Variants in ISG20 observed in about 807,000 individuals in gnomAD.
ISG20 encodes the protein interferon-stimulated gene 20 kDa protein.
In ISG20, 8 loss-of-function variants were observed where a neutral mutation model predicts 11.1. The observed-to-expected ratio is 0.72, with a 90% CI of 0.42 to 1.30. The LOEUF (loss-of-function observed/expected upper bound fraction) is 1.30, where lower values mean the gene tolerates loss of function less well. ISG20 is among the 50% of genes most tolerant of loss of function. ISG20 has a pLI of 0.01. For synonymous variants in ISG20, 110 were observed against 101.7 expected (o/e 1.08, Z -0.49); for missense variants, 243 against 250.2 (o/e 0.97, Z 0.19).
At chr15:88,641,634 T>C (rs1396503152) in intron 2 of ISG20, among the ~76,000 whole-genome samples, 15 of 152,048 alleles carry the variant, frequency 9.9e-5, no homozygotes, top group Admixed American at 9.8e-4. Flanking sequence ...TCTTTTTATT[T>C]TTATTTTTTA....
chr15:88,649,914 T>C (rs751350542), intron 2 of ISG20: 33 of 360,500 alleles, frequency 9.2e-5, no homozygotes, highest in Non-Finnish European at 1.5e-4. Context: ...CTGTTGACAG[T>C]GGATGGACAG....
intron 2 of ISG20, among the ~76,000 whole-genome samples, chr15:88,645,472 C>G (rs570892637): frequency 6.6e-6 from 1 of 152,108 alleles, no homozygotes; most frequent in Non-Finnish European, 1.5e-5. Flanking sequence ...GCTGCTCTCT[C>G]CCACTCTGCT....
intron 2 of ISG20, among the ~76,000 whole-genome samples, chr15:88,646,529 T>C (rs1159386804): frequency 6.6e-6 from 1 of 152,188 alleles, no homozygotes; most frequent in East Asian, 1.9e-4. Flanking sequence ...GTAATGGTCA[T>C]TATTTGTCTC....
At chr15:88,651,310 C>T (rs866830991) in intron 2 of ISG20, 9 of 983,448 alleles carry the variant, frequency 9.2e-6, no homozygotes, top group Non-Finnish European at 1.1e-5. Flanking sequence ...CTGTGGCTGC[C>T]GTAAGGAAGC....
At chr15:88,635,684 G>T (rs2057974929), upstream of ISG20, among the ~76,000 whole-genome samples, 1 of 152,194 alleles carries the variant, frequency 6.6e-6, no homozygotes, top group Non-Finnish European at 1.5e-5. Flanking sequence ...ATGGTGCCAC[G>T]TGTGGTCTGT....
chr15:88,639,453 C>A lies in ISG20; in HGVS notation c.87C>A (p.Ser29Arg), dbSNP rs565872324. ...PHRESGLARCSLVNVHGAVLY... is the reference protein window; with the variant it reads ...PHRESGLARCRLVNVHGAVLY... ...GGGAGAGTGGCCTGGCTCGTTGCAGCCTCGTGAACGTCCACGGTGCTGTGC... is the reference window on the plus strand; with the variant it reads ...GGGAGAGTGGCCTGGCTCGTTGCAGACTCGTGAACGTCCACGGTGCTGTGC... Residue 29 changes from serine to arginine, a missense_variant, in exon 2 of 4, where the codon AGC (serine) becomes AGA (arginine). Transcript: ENST00000306072. The surrounding 1 kb of genome is among the most constrained non-coding windows in gnomAD (Gnocchi z 4.2). The A allele has an allele frequency of 6.2e-7, 1 of 1,614,114 alleles. No homozygotes were observed. The highest frequency in any genetic ancestry group is 1.3e-5 in the African/African-American group (1 of 75,044).
chr15:88,651,976 T>G (rs2058280993), intron 2 of ISG20, 134 bp from the exon 3 acceptor site: 4 of 1,480,982 alleles, frequency 2.7e-6, no homozygotes, highest in Non-Finnish European at 3.6e-6. Context: ...GATGATACAT[T>G]TGAAGCCCAG....
At position 88,655,611 on chromosome 15, in the gene ISG20, A is replaced by G. The variant is rs1269418075; in HGVS notation, c.*80A>G. 2.0e-5 allele frequency: 19 copies of G among 932,958 alleles called. No individual in the cohort carries two copies. Among genetic ancestry groups the G allele is most frequent in the Non-Finnish European group, 2.5e-5 (15 of 601,398 alleles). 57.8% of individuals were successfully genotyped at this position (932,958 alleles called of 1,614,324 possible). A position where few individuals can be genotyped will look rare whatever the true frequency, so the allele number is the denominator to read the frequency against. ...CAACTACCTTGCTTTTGGAAAATAC[A>G]TTTTTAATAGTAAAGTGGCTCTATA... On this transcript the variant is annotated 3_prime_UTR_variant, in exon 4 of 4. Transcript: ENST00000306072.
chr15:88,640,421 T>C (rs1321933152), intron 2 of ISG20, among the ~76,000 whole-genome samples: 1 of 152,192 alleles, frequency 6.6e-6, no homozygotes, highest in Admixed American at 6.5e-5. Flanking sequence ...CACTGGCCAT[T>C]CCTGAGCTCA....
In ISG20 at chr15:88,639,427, C is replaced by G; in HGVS notation, c.61C>G (p.Arg21Gly). Residue 21 changes from arginine to glycine, a missense_variant, in exon 2 of 4, where the codon CGG becomes GGG. Transcript: ENST00000306072. This position sits in a 1 kb window ranked among gnomAD's most constrained non-coding sequence, Gnocchi z 4.2. ...CGAGATGGTGGGGCTGGGGCCCCAC[C>G]GGGAGAGTGGCCTGGCTCGTTGCAG... The part of the protein sequence containing the change: ...DCEMVGLGPH[R>G]ESGLARCSLV... The G allele has an allele frequency of 6.2e-7, 1 of 1,613,828 alleles. No individual in the cohort carries two copies. Among genetic ancestry groups the G allele is most frequent in the South Asian group, 1.1e-5 (1 of 91,072 alleles).
At position 88,639,079 on chromosome 15, in the gene ISG20, G is replaced by A. The variant is rs897600701; in HGVS notation, c.-25+3G>A. On this transcript the variant is annotated splice_donor_region_variant and intron_variant, in intron 1 of 3. Coordinates refer to ENST00000306072, the MANE Select transcript of ISG20 (RefSeq NM_002201.6). This position sits in a 1 kb window ranked among gnomAD's most constrained non-coding sequence, Gnocchi z 4.2. ...GCTGAGGGCGCAGAGGCAGGCAGGTGAGAGCGGGAGCTGGAGCAGCAGCTG... is the reference window on the plus strand; with the variant it reads ...GCTGAGGGCGCAGAGGCAGGCAGGTAAGAGCGGGAGCTGGAGCAGCAGCTG... 20 of 527,902 alleles carry A rather than the reference G, an allele frequency of 3.8e-5. No homozygotes were observed. The highest frequency in any genetic ancestry group is 7.6e-5 in the African/African-American group (4 of 52,700). The allele number at this position is 527,902 out of a possible 1,614,324, so 32.7% of individuals were successfully genotyped here.
At chr15:88,654,569 G>T (rs1038985269) in intron 3 of ISG20, among the ~76,000 whole-genome samples, 1 of 152,106 alleles carries the variant, frequency 6.6e-6, no homozygotes, top group African/African-American at 2.4e-5. Flanking sequence ...GGACACCAGG[G>T]CTGAGCGGGG....
intron 2 of ISG20, among the ~76,000 whole-genome samples, chr15:88,644,532 CAAAAAAA>C (rs373461017): frequency 6.7e-5 from 6 of 89,152 alleles, no homozygotes; most frequent in South Asian, 6.8e-4. Flanking sequence ...ACTTAGTCTC[CAAAAAAA>C]AAAAAAAAGA....
chr15:88,651,986 G>T, intron 2 of ISG20, 124 bp from the exon 3 acceptor site: 1 of 1,519,200 alleles, frequency 6.6e-7, no homozygotes, highest in East Asian at 2.4e-5. Flanking sequence ...TTGAAGCCCA[G>T]GGAGGACTGA....
At position 88,643,540 on chromosome 15, in the gene ISG20, C is replaced by A. The variant is rs1418683897; in HGVS notation, c.228+3946C>A. 1.3e-5 allele frequency among the ~76,000 whole-genome samples: 2 copies of A among 152,018 alleles called. No individual in the cohort carries two copies. Among genetic ancestry groups the A allele is most frequent in the African/African-American group, 4.8e-5 (2 of 41,384 alleles). ...CCAACATGGTGAAAACCCATCTCTACTGAAAATGCAAAAATTAGCCGGGTG... is the reference window on the plus strand; with the variant it reads ...CCAACATGGTGAAAACCCATCTCTAATGAAAATGCAAAAATTAGCCGGGTG... On this transcript the variant is annotated intron_variant, in intron 2 of 3. Coordinates refer to ENST00000306072, the MANE Select transcript of ISG20 (RefSeq NM_002201.6). The surrounding 1 kb of genome is among the most constrained non-coding windows in gnomAD (Gnocchi z 4.4).
chr15:88,643,078 A>G lies in ISG20; in HGVS notation c.228+3484A>G, dbSNP rs1281630167. On this transcript the variant is annotated intron_variant, in intron 2 of 3. Coordinates refer to ENST00000306072, the MANE Select transcript of ISG20 (RefSeq NM_002201.6). This position sits in a 1 kb window ranked among gnomAD's most constrained non-coding sequence, Gnocchi z 4.4. ...CTCTACAAAAAAAATAAATAAATAA[A>G]ATAAAAATTAGCCAGACATGGTGGT... Among the ~76,000 whole-genome samples, 1 of 151,920 alleles carries G rather than the reference A, an allele frequency of 6.6e-6. No individual in the cohort carries two copies. The highest frequency in any genetic ancestry group is 6.6e-5 in the Admixed American group (1 of 15,266).
intron 3 of ISG20, 30 bp from the exon 4 acceptor site, chr15:88,655,385 C>T (rs1434078992): frequency 6.3e-7 from 1 of 1,596,996 alleles, no homozygotes; most frequent in East Asian, 2.2e-5. Flanking sequence ...AGCCTCATCC[C>T]AAGTCCCCAC....
chr15:88,637,574 G>C (rs897156542), upstream of ISG20: 6 of 152,362 alleles, frequency 3.9e-5, no homozygotes, highest in Non-Finnish European at 7.3e-5. Flanking sequence ...GAAACGGTAA[G>C]AATTAGAGGC....
At chr15:88,640,153 TTC>T (rs2058056184) in intron 2 of ISG20, among the ~76,000 whole-genome samples, 1 of 152,226 alleles carries the variant, frequency 6.6e-6, no homozygotes, top group Non-Finnish European at 1.5e-5. Context: ...CCGTCTCACT[TTC>T]TGTTTCTCTG....
Sources: gnomAD v4.1 joint callset for allele counts (sites outside exome capture counted in the v4.1 genomes callset) on GRCh38, gnomAD v4.1.1 for gene constraint, Gnocchi (gnomAD v3.1) non-coding constraint, MANE v1.5 for transcripts, NCBI Gene and HGNC (gene_info 2026-07-23, HGNC 2026-07-21) for gene names.